Variants in SUN1 observed in about 807,000 individuals in gnomAD.
SUN1 encodes SUN domain-containing protein 1.
In SUN1, 61 loss-of-function variants were observed where a neutral mutation model predicts 103.2. That is an observed-to-expected ratio of 0.59 (90% CI 0.48 to 0.73). The LOEUF (loss-of-function observed/expected upper bound fraction) is 0.73, where lower values mean the gene tolerates loss of function less well. Ranked by LOEUF, SUN1 falls within the 30% of genes least tolerant of loss-of-function variation. The pLI, the probability that SUN1 is intolerant of heterozygous loss-of-function variation, is 0.00. For missense variants in SUN1, 1,052 were observed against 1,034.6 expected (o/e 1.02, Z -0.23); for synonymous variants, 490 against 425.7 (o/e 1.15, Z -1.86).
intron 1 of SUN1, among the ~76,000 whole-genome samples, chr7:826,867 A>T (rs542904969): frequency 6.6e-6 from 1 of 152,268 alleles, no homozygotes; most frequent in Non-Finnish European, 1.5e-5. Context: ...CGTAGAAAAT[A>T]ATTATCAACT....
rs1030020906 is a variant in SUN1 at position 817,499 on chromosome 7, G to A, written c.-74+826G>A. The A allele has an allele frequency of 7.2e-6, 11 of 1,536,122 alleles. No homozygotes were observed. The African/African-American group carries it at 1.5e-4, about 21-fold the overall frequency. The stretch of plus-strand genomic sequence containing the variant: ...CGGCTCCCCAGGGCTCCCCAGGACA[G>A]GTGGGCGGTGCGGTCCGAGGTCTCT... On this transcript the variant is annotated intron_variant, in intron 1 of 17. Transcript: ENST00000389574.
intron 15 of SUN1, among the ~76,000 whole-genome samples, chr7:863,513 A>G (rs550094227): frequency 5.3e-5 from 8 of 152,242 alleles, no homozygotes; most frequent in Admixed American, 2.0e-4. Flanking sequence ...TATTATTGAG[A>G]TGTAATTCAC....
intron 15 of SUN1, among the ~76,000 whole-genome samples, chr7:862,314 T>C (rs1832836146): frequency 6.6e-6 from 1 of 152,178 alleles, no homozygotes; most frequent in African/African-American, 2.4e-5. Context: ...CCCACGATGA[T>C]GTAGGGCTGG....
intron 1 of SUN1, among the ~76,000 whole-genome samples, chr7:827,347 G>A (rs919995803): frequency 1.3e-5 from 2 of 151,696 alleles, no homozygotes; most frequent in African/African-American, 4.8e-5. Flanking sequence ...GTTTTGTTCT[G>A]TTTTCAGCCT....
intron 10 of SUN1, among the ~76,000 whole-genome samples, chr7:854,454 C>T (rs1320037287): frequency 1.3e-5 from 2 of 152,242 alleles, no homozygotes; most frequent in African/African-American, 4.8e-5. Context: ...TCGTATGGTC[C>T]CATCTCAGGT....
At chr7:869,294 T>C in intron 16 of SUN1, 55 bp from the exon 17 acceptor site, 1 of 1,560,848 alleles carries the variant, frequency 6.4e-7, no homozygotes, top group Non-Finnish European at 8.7e-7. Context: ...TTCCTGCTGC[T>C]AAGTGGGTAA....
chr7:848,348 A>C (rs1029466330), intron 5 of SUN1: 7 of 1,261,450 alleles, frequency 5.5e-6, no homozygotes, highest in Non-Finnish European at 7.4e-6. Flanking sequence ...TAATTTGGCT[A>C]CCTGACTTAT....
Position 857,902 on chromosome 7 carries a change from C to T in SUN1, c.1469C>T (p.Ser490Phe), listed in dbSNP as rs1422953482. The change falls in exon 13 of 19, where the codon TCC becomes TTC. Residue 490 changes from serine (S) to phenylalanine (F), a missense_variant. Physicochemically the swap from Ser to Phe is radical, Grantham distance 155. This residue lies in a region of SUN1 where 846 missense variants were observed against 774.5 expected (regional missense o/e 1.09). Transcript: ENST00000401592. Reference protein sequence around the residue: ...LELDQLKSELSSWRHVKTGCE... With the variant: ...LELDQLKSELFSWRHVKTGCE... ...CTGGATCAGCTAAAGTCAGAGCTGT[C>T]CAGCTGGCGACACGTGAAGACCGGC... 6.2e-7 allele frequency: 1 copy of T among 1,603,696 alleles called. No homozygotes were observed. The highest frequency in any genetic ancestry group is 8.5e-7 in the Non-Finnish European group (1 of 1,171,618).
intron 5 of SUN1, among the ~76,000 whole-genome samples, chr7:847,102 ATGGCTGTT>A (rs1421792932): frequency 6.6e-6 from 1 of 152,236 alleles, no homozygotes; most frequent in Non-Finnish European, 1.5e-5. Context: ...TACGAAGCAA[ATGGCTGTT>A]TGGCAGTATC....
Position 851,472 on chromosome 7 carries a change from G to A in SUN1, c.747G>A (p.Val249=). 1.9e-6 allele frequency: 3 copies of A among 1,604,620 alleles called. No individual in the cohort carries two copies. Among genetic ancestry groups the A allele is most frequent in the Non-Finnish European group, 2.6e-6 (3 of 1,175,572 alleles). Residue 249 remains valine, a synonymous_variant, in exon 6 of 19, where the codon GTG becomes GTA. Transcript: ENST00000401592. ...RTAWSALWLA[V]VAPGKAASGV... ...CGTGGTCGGCCCTTTGGCTGGCCGTGGTTGCTCCAGGTGGCTATTTTGGGT... is the reference window on the plus strand; with the variant it reads ...CGTGGTCGGCCCTTTGGCTGGCCGTAGTTGCTCCAGGTGGCTATTTTGGGT...
At chr7:834,540 C>A (rs538109567) in intron 1 of SUN1, among the ~76,000 whole-genome samples, 39 of 152,294 alleles carry the variant, frequency 2.6e-4, no homozygotes, top group African/African-American at 7.9e-4. Context: ...AGCTGGCCGG[C>A]CTTGCGTTGG....
At chr7:822,817 C>G (rs941094649) in intron 1 of SUN1, among the ~76,000 whole-genome samples, 1 of 152,218 alleles carries the variant, frequency 6.6e-6, no homozygotes, top group Non-Finnish European at 1.5e-5. Context: ...ATATGAAGGC[C>G]TGAACATGCC....
In SUN1 at chr7:861,478, C is replaced by A. The variant is rs369041055; in HGVS notation, c.1864+14C>A. On this transcript the variant is annotated intron_variant, in intron 15 of 18. Coordinates refer to ENST00000401592, the MANE Select transcript of SUN1 (RefSeq NM_001130965.3). ...TGGAATCTGGTGGTGAGTAAATAGA[C>A]GTTCTGATTACTAAGTTAGATGATC... The A allele has an allele frequency of 3.1e-6, 5 of 1,612,602 alleles. No homozygotes were observed. In the Admixed American group the frequency reaches 5.0e-5, roughly 16 times the overall value.
intron 1 of SUN1, among the ~76,000 whole-genome samples, chr7:824,048 G>A (rs541551081): frequency 3.4e-4 from 51 of 152,208 alleles, no homozygotes; most frequent in Non-Finnish European, 5.0e-4. Context: ...TCTAAGAAGT[G>A]GGACATGAGT....
intron 15 of SUN1, among the ~76,000 whole-genome samples, chr7:863,641 C>T (rs1321505032): frequency 1.3e-5 from 2 of 152,210 alleles, no homozygotes; most frequent in Non-Finnish European, 2.9e-5. Context: ...CCCTGTGCCG[C>T]AAGTAGCCAT....
At chr7:863,061 G>A (rs1447657549) in intron 15 of SUN1, among the ~76,000 whole-genome samples, 2 of 152,218 alleles carry the variant, frequency 1.3e-5, no homozygotes, top group African/African-American at 4.8e-5. Context: ...AGAATGGCGT[G>A]AACCCGGGAG....
chr7:819,844 G>A (rs1784374159), intron 1 of SUN1, among the ~76,000 whole-genome samples: 1 of 151,956 alleles, frequency 6.6e-6, no homozygotes, highest in Non-Finnish European at 1.5e-5. Context: ...AAGTAGCTGG[G>A]ATTACAGGCG....
intron 17 of SUN1, among the ~76,000 whole-genome samples, chr7:871,826 TCTG>T (rs1332493591): frequency 6.6e-6 from 1 of 152,250 alleles, no homozygotes; most frequent in African/African-American, 2.4e-5. Flanking sequence ...CCTTGTGTCT[TCTG>T]CTAGTTCTCT....
In SUN1 at chr7:832,521, G is replaced by A. The variant is rs1798889836; in HGVS notation, c.-4G>A. ...CCTCTGCAGTATGGTTTGAAGTGGT[G>A]AACATGGATTTTTCTCGGCTTCACA... On this transcript the variant is annotated 5_prime_UTR_variant, in exon 1 of 19. Transcript: ENST00000401592. 1.2e-6 allele frequency: 2 copies of A among 1,612,942 alleles called. No individual in the cohort carries two copies. The highest frequency in any genetic ancestry group is 1.7e-6 in the Non-Finnish European group (2 of 1,179,470).
Sources: allele counts gnomAD v4.1 joint callset (sites outside exome capture counted in the v4.1 genomes callset), GRCh38; gene constraint gnomAD v4.1.1; regional missense constraint gnomAD v4.1.1; transcripts MANE v1.5; gene names NCBI Gene and HGNC (gene_info 2026-07-23, HGNC 2026-07-21).